Variants in CSMD1 observed in about 807,000 individuals in gnomAD.
The protein encoded by CSMD1 is CUB and sushi domain-containing protein 1.
A neutral mutation model predicts 417.5 loss-of-function variants in CSMD1; 213 were observed. The observed-to-expected ratio is 0.51, with a 90% confidence interval of 0.46 to 0.57. The LOEUF (loss-of-function observed/expected upper bound fraction) is 0.57. Ranked by LOEUF, CSMD1 falls within the 20% of genes least tolerant of loss-of-function variation. The probability of loss-of-function intolerance (pLI) is 0.00; values close to 1 mark genes in which losing one functional copy is unlikely to be tolerated. For missense variants in CSMD1, 6,923 were observed against 4,529.7 expected, an observed-to-expected ratio of 1.53 and a Z score of -15.17; for synonymous variants, 2,862 against 1,736.8, an observed-to-expected ratio of 1.65 and a Z score of -16.11.
chr8:3,708,360 C>T, intron 7 of CSMD1, 54 bp downstream of exon 7: 2 of 1,480,466 alleles, frequency 1.4e-6, no homozygotes, highest in Non-Finnish European at 1.9e-6. Flanking sequence ...GCTCCATTCT[C>T]TCCTCTGCTT....
At chr8:3,981,176 G>A (rs1434879515) in intron 5 of CSMD1, among the ~76,000 whole-genome samples, 4 of 152,182 alleles carry the variant, frequency 2.6e-5, no homozygotes, top group Non-Finnish European at 5.9e-5. Context: ...GAGACTCCAA[G>A]AATGGGTATC....
chr8:3,791,395 T>C (rs995692785), intron 5 of CSMD1, among the ~76,000 whole-genome samples: 1 of 152,248 alleles, frequency 6.6e-6, no homozygotes, highest in Non-Finnish European at 1.5e-5. Flanking sequence ...CAAAGCTCTT[T>C]GACAGGGGAT....
intron 5 of CSMD1, among the ~76,000 whole-genome samples, chr8:3,982,090 G>A (rs918272851): frequency 1.3e-5 from 2 of 151,410 alleles, no homozygotes; most frequent in African/African-American, 4.9e-5. Flanking sequence ...CCTGGGAGGT[G>A]GAGGTTGCAG....
intron 1 of CSMD1, among the ~76,000 whole-genome samples, chr8:4,717,563 T>TCCATCC (rs1563208901): frequency 7.3e-6 from 1 of 137,166 alleles, no homozygotes; most frequent in Non-Finnish European, 1.6e-5. Flanking sequence ...TCTATCTATC[T>TCCATCC]ATCCATCCAT....
At chr8:4,125,287 C>A (rs1050047440) in intron 3 of CSMD1, among the ~76,000 whole-genome samples, 3 of 152,196 alleles carry the variant, frequency 2.0e-5, no homozygotes, top group Non-Finnish European at 4.4e-5. Context: ...GAGATAAATG[C>A]GAATCTGACT....
chr8:4,551,855 T>TTA (rs1304693444), intron 2 of CSMD1, among the ~76,000 whole-genome samples: 1 of 76,072 alleles, frequency 1.3e-5, no homozygotes, highest in African/African-American at 5.7e-5. Flanking sequence ...ATTTTTTGTA[T>TTA]TTTTTTTTTT....
At chr8:4,184,228 G>C (rs867381116) in intron 3 of CSMD1, among the ~76,000 whole-genome samples, 6 of 152,244 alleles carry the variant, frequency 3.9e-5, no homozygotes, top group African/African-American at 7.2e-5. Flanking sequence ...TGTAAGCAGA[G>C]ACAATATATT....
chr8:4,082,783 G>A (rs1267136501), intron 3 of CSMD1, among the ~76,000 whole-genome samples: 3 of 109,952 alleles, frequency 2.7e-5, no homozygotes, highest in African/African-American at 1.1e-4. Context: ...CCCCACAACA[G>A]TCCCCACAAT....
intron 15 of CSMD1, among the ~76,000 whole-genome samples, chr8:3,400,120 G>A (rs1585107601): frequency 1.3e-5 from 2 of 152,296 alleles, no homozygotes; most frequent in African/African-American, 4.8e-5. Flanking sequence ...ATTTGTAATT[G>A]CAAAGGAGAA....
intron 5 of CSMD1, among the ~76,000 whole-genome samples, chr8:3,874,919 G>T (rs1045460804): frequency 6.6e-6 from 1 of 152,242 alleles, no homozygotes; most frequent in African/African-American, 2.4e-5. Context: ...AATAAGACTT[G>T]GGGAAGACCT....
chr8:4,183,254 A>G (rs185995856), intron 3 of CSMD1, among the ~76,000 whole-genome samples: 116 of 152,342 alleles, frequency 7.6e-4, no homozygotes, highest in Non-Finnish European at 1.4e-3. Context: ...AATTTGCAGT[A>G]GACTGAAAAT....
chr8:4,270,640 C>T (rs1306589158), intron 3 of CSMD1, among the ~76,000 whole-genome samples: 3 of 152,160 alleles, frequency 2.0e-5, no homozygotes, highest in African/African-American at 7.2e-5. Flanking sequence ...ACCTGCCCCT[C>T]AAATGAAGAT....
intron 1 of CSMD1, among the ~76,000 whole-genome samples, chr8:4,898,299 C>G (rs979649006): frequency 6.6e-6 from 1 of 152,060 alleles, no homozygotes; most frequent in East Asian, 1.9e-4. Context: ...TTGTATTTTT[C>G]CAAGACACCT....
At chr8:3,411,742 A>C (rs1335725296) in intron 12 of CSMD1, among the ~76,000 whole-genome samples, 1 of 134,502 alleles carries the variant, frequency 7.4e-6, no homozygotes, top group African/African-American at 2.8e-5. Context: ...ACACGTGTAT[A>C]TATACACGTG....
chr8:4,402,606 C>G (rs1804716849), intron 3 of CSMD1, among the ~76,000 whole-genome samples: 1 of 152,134 alleles, frequency 6.6e-6, no homozygotes, highest in Non-Finnish European at 1.5e-5. Context: ...TATTACATTA[C>G]TGCTCCCCAT....
At chr8:3,185,693 T>C (rs897821195) in intron 36 of CSMD1, among the ~76,000 whole-genome samples, 1 of 152,250 alleles carries the variant, frequency 6.6e-6, no homozygotes, top group African/African-American at 2.4e-5. Flanking sequence ...ATGTGAATGA[T>C]AAGATTTGAT....
intron 3 of CSMD1, among the ~76,000 whole-genome samples, chr8:4,304,914 G>A (rs1447025425): frequency 3.9e-5 from 6 of 152,032 alleles, no homozygotes; most frequent in South Asian, 4.2e-4. Flanking sequence ...AAGGTGTAAC[G>A]ATGAGATGAT....
At chr8:3,433,079 G>C (rs1331917624) in intron 12 of CSMD1, among the ~76,000 whole-genome samples, 1 of 152,144 alleles carries the variant, frequency 6.6e-6, no homozygotes, top group African/African-American at 2.4e-5. Flanking sequence ...GTTTTTAAAA[G>C]TTATAATCCA....
intron 9 of CSMD1, 25 bp downstream of exon 9, chr8:3,586,111 G>A: frequency 1.2e-6 from 2 of 1,603,080 alleles, no homozygotes; most frequent in African/African-American, 1.3e-5. Flanking sequence ...GATAATCCAG[G>A]CTTTACCCAC....
Sources: allele counts gnomAD v4.1 joint callset (sites outside exome capture counted in the v4.1 genomes callset), GRCh38; gene constraint gnomAD v4.1.1; transcripts MANE v1.5; gene names NCBI Gene and HGNC (gene_info 2026-07-23, HGNC 2026-07-21).